SPOCK1: variants seen among roughly 807,000 people sequenced by gnomAD.
SPOCK1 encodes SPARC (osteonectin), cwcv and kazal like domains proteoglycan 1, also known as testican-1.
SPOCK1 carries 23 observed loss-of-function variants against 55.3 expected under a neutral mutation model. The ratio of observed to expected loss-of-function variants is 0.42; its 90% CI spans 0.30 to 0.59. The LOEUF is 0.59. Among genes scored for constraint, SPOCK1 ranks in the 20% least tolerant of loss-of-function variants. The pLI, the probability that SPOCK1 is intolerant of heterozygous loss-of-function variation, is 0.22. For missense variants in SPOCK1, 499 were observed against 552.5 expected (o/e 0.90, Z 0.97); for synonymous variants, 226 against 221.0 (o/e 1.02, Z -0.20).
chr5:137,112,295 G>T, intron 5 of SPOCK1, 140 bp downstream of exon 5: 1 of 1,040,388 alleles, frequency 9.6e-7, no homozygotes, highest in Non-Finnish European at 1.4e-6. Context: ...GAACATCTCT[G>T]AGTCTGCTAA....
chr5:137,368,751 CACTG>C (rs1415323589), intron 2 of SPOCK1, among the ~76,000 whole-genome samples: 2 of 152,280 alleles, frequency 1.3e-5, no homozygotes, highest in Admixed American at 6.5e-5. Flanking sequence ...GCCCTGTCCC[CACTG>C]CTTCCACATC....
chr5:137,264,750 A>G (rs1756812052), intron 3 of SPOCK1, among the ~76,000 whole-genome samples: 1 of 152,146 alleles, frequency 6.6e-6, no homozygotes, highest in African/African-American at 2.4e-5. Flanking sequence ...CCTGTGGTTT[A>G]TATTTCACCA....
chr5:137,417,870 T>C (rs544251351), intron 2 of SPOCK1, among the ~76,000 whole-genome samples: 1 of 152,322 alleles, frequency 6.6e-6, no homozygotes, highest in South Asian at 2.1e-4. Flanking sequence ...TTGTTACATA[T>C]GTATACATGT....
At chr5:137,154,836 T>C (rs1485659218) in intron 3 of SPOCK1, among the ~76,000 whole-genome samples, 3 of 152,166 alleles carry the variant, frequency 2.0e-5, no homozygotes, top group Non-Finnish European at 4.4e-5. Flanking sequence ...CTGGTCACAG[T>C]CTTTGCTCCT....
chr5:137,009,138 C>A lies in SPOCK1; in HGVS notation c.590-16538G>T, dbSNP rs148631344. Among the ~76,000 whole-genome samples, 20 of 152,208 alleles carry A rather than the reference C, an allele frequency of 1.3e-4. No individual in the cohort carries two copies. In the East Asian group the frequency reaches 3.9e-3, roughly 29 times the overall value. ...CCAGGTCACAAAGAGAAGCCTAACT[C>A]CATATTGATTTTTACAAGAAATATA... On this transcript the variant is annotated intron_variant, in intron 6 of 10. Coordinates refer to ENST00000394945, the MANE Select transcript of SPOCK1 (RefSeq NM_004598.4).
chr5:137,084,462 C>T lies in SPOCK1; in HGVS notation c.475-16633G>A, dbSNP rs550388027. On this transcript the variant is annotated intron_variant, in intron 5 of 10. Coordinates refer to ENST00000394945, the MANE Select transcript of SPOCK1 (RefSeq NM_004598.4). ...ACTGAGCTCCAGGAGGGCAGAGACT[C>T]GAGCACCAGTGCCAGCCAGGGGCAT... is the stretch of plus-strand genomic sequence containing the variant. Among the ~76,000 whole-genome samples the T allele has an allele frequency of 9.2e-5, 14 of 152,104 alleles. 1 individual carries two copies. In the South Asian group the frequency reaches 1.7e-3, roughly 18 times the overall value.
chr5:137,228,056 CTTCAT>C (rs1755979395), intron 3 of SPOCK1, among the ~76,000 whole-genome samples: 1 of 152,208 alleles, frequency 6.6e-6, no homozygotes, highest in African/African-American at 2.4e-5. Flanking sequence ...ATTTTCTCCT[CTTCAT>C]TTATCTGCAA....
chr5:137,278,384 C>T (rs187741812), intron 2 of SPOCK1, among the ~76,000 whole-genome samples: 5 of 152,336 alleles, frequency 3.3e-5, no homozygotes, highest in East Asian at 1.9e-4. Flanking sequence ...ATTTTCCCCA[C>T]GGTAAGAGGT....
intron 2 of SPOCK1, among the ~76,000 whole-genome samples, chr5:137,295,504 C>T (rs1157356849): frequency 1.3e-5 from 2 of 152,204 alleles, no homozygotes. Context: ...CAATTCTCCA[C>T]TTATTTCATT....
chr5:137,479,943 T>C lies in SPOCK1; in HGVS notation c.186+18430A>G, dbSNP rs143898564. Among the ~76,000 whole-genome samples, 628 of 152,256 alleles carry C rather than the reference T, an allele frequency of 4.1e-3. 4 individuals are homozygous for C. The highest frequency in any genetic ancestry group is 0.014 in the African/African-American group (595 of 41,546). ...TGGCCCTCTAGAGGGCATACCTTGATGGTAAGCCTGGGAGGAAGAGGGTTA... is the reference window on the plus strand; with the variant it reads ...TGGCCCTCTAGAGGGCATACCTTGACGGTAAGCCTGGGAGGAAGAGGGTTA... On this transcript the variant is annotated intron_variant, in intron 2 of 10. Transcript: ENST00000394945.
intron 5 of SPOCK1, among the ~76,000 whole-genome samples, chr5:137,068,382 C>T (rs1561597500): frequency 1.3e-5 from 2 of 152,216 alleles, no homozygotes; most frequent in African/African-American, 4.8e-5. Context: ...TAAGTTTACA[C>T]GGGTCTTCCC....
Position 136,988,633 on chromosome 5 carries a change from A to T in SPOCK1, c.717T>A (p.Thr239=). ...AGTCCTTGCAGATGGGCAGGATGCT[A>T]GTGTCAAACCCTGCCAAACAAAAGG... The part of the protein sequence containing the change: ...SSNTAQGRFD[T]SILPICKDSL... Residue 239 remains threonine, a synonymous_variant, in exon 8 of 11, where the codon ACT becomes ACA. Transcript: ENST00000394945. 1 of 1,612,690 alleles carries T rather than the reference A, an allele frequency of 6.2e-7. No individual in the cohort carries two copies. Among genetic ancestry groups the T allele is most frequent in the Non-Finnish European group, 8.5e-7 (1 of 1,179,116 alleles).
At chr5:137,429,084 T>A (rs756153850) in intron 2 of SPOCK1, among the ~76,000 whole-genome samples, 3 of 152,258 alleles carry the variant, frequency 2.0e-5, no homozygotes, top group Non-Finnish European at 4.4e-5. Context: ...GTTTTCATGA[T>A]GCTGTGAGGA....
intron 2 of SPOCK1, among the ~76,000 whole-genome samples, chr5:137,376,492 G>C (rs1751320619): frequency 6.6e-6 from 1 of 152,218 alleles, no homozygotes; most frequent in African/African-American, 2.4e-5. Flanking sequence ...TTGAAATGCA[G>C]TTCAGCAATT....
intron 3 of SPOCK1, among the ~76,000 whole-genome samples, chr5:137,183,749 T>C (rs1413808251): frequency 6.6e-6 from 1 of 152,220 alleles, no homozygotes; most frequent in African/African-American, 2.4e-5. Context: ...CAGCCCTCGC[T>C]GGCTGTGTAG....
intron 2 of SPOCK1, among the ~76,000 whole-genome samples, chr5:137,427,513 C>A (rs1318432996): frequency 1.3e-5 from 2 of 152,184 alleles, no homozygotes; most frequent in Non-Finnish European, 2.9e-5. Context: ...CATCCAGAAT[C>A]CCCCATGGAG....
At chr5:137,329,885 C>T (rs912099157) in intron 2 of SPOCK1, among the ~76,000 whole-genome samples, 1 of 152,136 alleles carries the variant, frequency 6.6e-6, no homozygotes, top group Non-Finnish European at 1.5e-5. Context: ...GAAGGAAATG[C>T]TATTTTGGGG....
intron 3 of SPOCK1, among the ~76,000 whole-genome samples, chr5:137,237,348 G>T (rs888936383): frequency 3.3e-5 from 5 of 152,084 alleles, no homozygotes; most frequent in Admixed American, 6.5e-5. Flanking sequence ...CCTCCCCTGA[G>T]AGCCCCCCAT....
In SPOCK1 at chr5:137,140,419, T is replaced by C. The variant is rs559852895; in HGVS notation, c.347+161A>G. On this transcript the variant is annotated intron_variant, in intron 4 of 10. Coordinates refer to ENST00000394945, the MANE Select transcript of SPOCK1 (RefSeq NM_004598.4). ...GTAAACCTGTGTTTGAGAACTGAGA[T>C]TCCTATCATAGTCAGAGTACAGGCA... Among the ~76,000 whole-genome samples the C allele has an allele frequency of 3.3e-5, 5 of 152,294 alleles. No individual in the cohort carries two copies. In the South Asian group the frequency reaches 6.2e-4, roughly 19 times the overall value.
Sources: allele counts gnomAD v4.1 joint callset (sites outside exome capture counted in the v4.1 genomes callset), GRCh38; gene constraint gnomAD v4.1.1; transcripts MANE v1.5; gene names NCBI Gene and HGNC (gene_info 2026-07-23, HGNC 2026-07-21).